The following TIAM1 variants were observed in gnomAD, a reference collection of about 807,000 sequenced individuals.
The protein encoded by TIAM1 is TIAM Rac1 associated GEF 1.
A neutral mutation model predicts 163.5 loss-of-function variants in TIAM1; 65 were observed. That is an observed-to-expected ratio of 0.40 (90% CI 0.33 to 0.49). TIAM1 has a LOEUF of 0.49. TIAM1 is among the 20% of genes least tolerant of loss of function. The probability of loss-of-function intolerance (pLI) is 0.77; values close to 1 mark genes in which losing one functional copy is unlikely to be tolerated. For missense variants in TIAM1, 1,789 were observed against 2,044.7 expected, an observed-to-expected ratio of 0.87 and a Z score of 2.41; for synonymous variants, 833 against 810.1, an observed-to-expected ratio of 1.03 and a Z score of -0.48.
intron 2 of TIAM1, chr21:31,452,965 T>C (rs1232884895): frequency 3.9e-6 from 2 of 511,896 alleles, no homozygotes; most frequent in Admixed American, 2.1e-5. Flanking sequence ...GAACTCAGGC[T>C]GAATGGGGAA....
intron 12 of TIAM1, among the ~76,000 whole-genome samples, chr21:31,199,885 C>G (rs1378821958): frequency 5.3e-5 from 8 of 150,424 alleles, no homozygotes; most frequent in Middle Eastern, 3.4e-3. Context: ...TCTCTTCACT[C>G]ACTCACCCTG....
rs114506748 is a variant in TIAM1, at chr21:31,173,830, A to C, written c.2887+8591T>G. Among the ~76,000 whole-genome samples, 1,344 of 152,310 alleles carry C rather than the reference A, an allele frequency of 8.8e-3. 19 individuals carry two copies. Among genetic ancestry groups the C allele is most frequent in the African/African-American group, 0.031 (1,282 of 41,554 alleles). On this transcript the variant is annotated intron_variant, in intron 15 of 27. Transcript: ENST00000541036. Reference sequence around the variant, plus strand: ...AAATATACATTAACAATCTTTAAAAATATCAAAATAGAGCATCTCAGTCTC... The same window carrying C: ...AAATATACATTAACAATCTTTAAAACTATCAAAATAGAGCATCTCAGTCTC...
chr21:31,383,103 G>C (rs987393652), intron 2 of TIAM1, among the ~76,000 whole-genome samples: 98 of 152,220 alleles, frequency 6.4e-4, no homozygotes, highest in African/African-American at 2.3e-3. Flanking sequence ...AGCCTGGCGT[G>C]GTGGTGGGCA....
intron 13 of TIAM1, among the ~76,000 whole-genome samples, chr21:31,187,419 G>C (rs972404006): frequency 3.3e-5 from 5 of 152,100 alleles, no homozygotes; most frequent in Non-Finnish European, 7.4e-5. Flanking sequence ...AAAACAGAAA[G>C]ATTAGCTTAC....
At chr21:31,389,674 T>A (rs2076936817) in intron 2 of TIAM1, among the ~76,000 whole-genome samples, 1 of 152,196 alleles carries the variant, frequency 6.6e-6, no homozygotes, top group Non-Finnish European at 1.5e-5. Context: ...ACAATCAAAG[T>A]CCCATGCGTT....
chr21:31,325,759 T>C (rs2075466739), intron 2 of TIAM1, among the ~76,000 whole-genome samples: 1 of 152,132 alleles, frequency 6.6e-6, no homozygotes, highest in Non-Finnish European at 1.5e-5. Context: ...GATACATTTC[T>C]ACCTTTTAAG....
chr21:31,486,803 G>A (rs953458907), intron 1 of TIAM1, among the ~76,000 whole-genome samples: 11 of 152,240 alleles, frequency 7.2e-5, no homozygotes, highest in African/African-American at 2.7e-4. Flanking sequence ...TCCACAGCCT[G>A]AGATGTAATG....
chr21:31,251,954 C>A lies in TIAM1; in HGVS notation c.1199G>T (p.Ser400Ile). The change falls in exon 5 of 28, where the codon AGC becomes ATC. Residue 400 changes from serine (S) to isoleucine (I), a missense_variant. By Grantham distance (142) the Ser-to-Ile change is moderately radical. This residue lies in a region of TIAM1 where 555 missense variants were observed against 564.9 expected (regional missense o/e 0.98). Coordinates refer to ENST00000541036, the MANE Select transcript of TIAM1 (RefSeq NM_001353694.2). ...GTGCGCCGAGCCGGCCTCCTCCAGGCTCTCGCTGTTGGTGGTGCTCATCTC... is the reference window on the plus strand; with the variant it reads ...GTGCGCCGAGCCGGCCTCCTCCAGGATCTCGCTGTTGGTGGTGCTCATCTC... ...ELEMSTTNSE[S>I]LEEAGSAHSD... 1 of 1,613,998 alleles carries A rather than the reference C, an allele frequency of 6.2e-7. No homozygotes were observed.
chr21:31,396,824 G>T (rs2077080424), intron 2 of TIAM1, among the ~76,000 whole-genome samples: 1 of 151,858 alleles, frequency 6.6e-6, no homozygotes, highest in Non-Finnish European at 1.5e-5. Flanking sequence ...GGTAGCAGAT[G>T]CCTGTAATCC....
At chr21:31,312,263 C>T (rs959123226) in intron 2 of TIAM1, among the ~76,000 whole-genome samples, 3 of 152,188 alleles carry the variant, frequency 2.0e-5, no homozygotes, top group Admixed American at 1.3e-4. Flanking sequence ...CTCTAGAGAA[C>T]CCTAATATAA....
chr21:31,214,270 A>C (rs947270805), intron 9 of TIAM1, among the ~76,000 whole-genome samples: 3 of 152,024 alleles, frequency 2.0e-5, no homozygotes, highest in Admixed American at 6.6e-5. Context: ...GTTTGCAGCG[A>C]GCTGAGACCA....
chr21:31,341,605 G>A (rs2076016885), intron 1 of TIAM1, among the ~76,000 whole-genome samples: 1 of 152,170 alleles, frequency 6.6e-6, no homozygotes, highest in Admixed American at 6.5e-5. Context: ...ATCACAGGGT[G>A]TGCCTCAATT....
At chr21:31,465,342 C>T (rs111579211) in intron 1 of TIAM1, among the ~76,000 whole-genome samples, 4,508 of 152,032 alleles carry the variant, frequency 0.03, 93 homozygotes, top group Non-Finnish European at 0.043. Context: ...ATCCTCCCAC[C>T]GCAGCCTCCC....
At chr21:31,289,722 A>T (rs1051538702) in intron 2 of TIAM1, among the ~76,000 whole-genome samples, 13 of 152,346 alleles carry the variant, frequency 8.5e-5, no homozygotes, top group Middle Eastern at 6.8e-3. Context: ...ATAAGAGGAT[A>T]ATCAGCCTCT....
intron 17 of TIAM1, among the ~76,000 whole-genome samples, 161 bp from the exon 18 acceptor site, chr21:31,153,295 T>C (rs2083464793): frequency 6.6e-6 from 1 of 152,146 alleles, no homozygotes; most frequent in Non-Finnish European, 1.5e-5. Context: ...GTCGTTAAGG[T>C]CCATTTCATG....
chr21:31,451,942 C>T (rs2147327832), intron 2 of TIAM1, among the ~76,000 whole-genome samples: 1 of 152,258 alleles, frequency 6.6e-6, no homozygotes, highest in Admixed American at 6.5e-5. Context: ...GACTAAAAAT[C>T]TGGTGGCTGG....
chr21:31,266,284 T>C lies in TIAM1; in HGVS notation c.689A>G (p.Asn230Ser), dbSNP rs368987253. The C allele has an allele frequency of 5.6e-6, 9 of 1,614,076 alleles. No individual in the cohort carries two copies. The African/African-American group carries it at 8.0e-5, about 14-fold the overall frequency. Residue 230 changes from asparagine to serine, a missense_variant, in exon 4 of 28, where the codon AAT (asparagine) becomes AGT (serine). By Grantham distance (46) the Asn-to-Ser change is conservative. Transcript: ENST00000541036. The part of the protein sequence containing the change: ...PRQLSTCQRA[N>S]SLGDLYAQKN... ...CTGAGCATACAAGTCACCCAAGGAA[T>C]TGGCTCTCTGACAGGTGCTGAGCTG... is the stretch of plus-strand genomic sequence containing the variant.
intron 2 of TIAM1, among the ~76,000 whole-genome samples, chr21:31,437,468 A>G (rs2044248258): frequency 7.0e-6 from 1 of 143,304 alleles, no homozygotes; most frequent in Non-Finnish European, 1.5e-5. Flanking sequence ...GTGTCACTGC[A>G]CTCTATCCTT....
At chr21:31,369,087 G>T (rs2076548642) in intron 2 of TIAM1, among the ~76,000 whole-genome samples, 1 of 152,014 alleles carries the variant, frequency 6.6e-6, no homozygotes, top group African/African-American at 2.4e-5. Flanking sequence ...TTAGCCGGCC[G>T]TGGTGGCGGG....
Sources: gnomAD v4.1 joint callset for allele counts (sites outside exome capture counted in the v4.1 genomes callset) on GRCh38, gnomAD v4.1.1 for gene constraint, gnomAD v4.1.1 regional missense constraint, MANE v1.5 for transcripts, NCBI Gene and HGNC (gene_info 2026-07-23, HGNC 2026-07-21) for gene names.